The following PCSK6 variants were observed in gnomAD, a reference collection of about 807,000 sequenced individuals.
PCSK6 encodes paired basic amino acid cleaving enzyme 4.
A neutral mutation model predicts 123.3 loss-of-function variants in PCSK6; 85 were observed. The ratio of observed to expected loss-of-function variants is 0.69; its 90% CI spans 0.58 to 0.83. The LOEUF is 0.83. PCSK6 is among the 40% of genes least tolerant of loss of function. PCSK6 has a pLI of 0.00. For missense variants in PCSK6, 1,191 were observed against 1,282.3 expected (o/e 0.93, Z 1.09); for synonymous variants, 508 against 516.0 (o/e 0.98, Z 0.21).
At chr15:101,432,180 CT>C (rs2056467721) in intron 2 of PCSK6, 80 bp from the exon 3 acceptor site, 3 of 1,128,992 alleles carry the variant, frequency 2.7e-6, no homozygotes, top group Non-Finnish European at 3.9e-6. Flanking sequence ...GTGCTACAGC[CT>C]TCCTTGTGCG....
At chr15:101,341,628 A>G (rs999645056) in intron 13 of PCSK6, among the ~76,000 whole-genome samples, 2 of 152,176 alleles carry the variant, frequency 1.3e-5, no homozygotes, top group Non-Finnish European at 2.9e-5. Flanking sequence ...ATCCAGTGAA[A>G]ATACCATTCA....
chr15:101,400,858 A>C (rs1165806778), intron 6 of PCSK6, among the ~76,000 whole-genome samples: 13 of 152,222 alleles, frequency 8.5e-5, no homozygotes, highest in Admixed American at 3.3e-4. Flanking sequence ...CGCTGCAGTA[A>C]ATTCTTCCAT....
At chr15:101,451,568 T>C (rs7178458) in intron 1 of PCSK6, among the ~76,000 whole-genome samples, 94,314 of 151,880 alleles carry the variant, frequency 0.62, 30,044 homozygotes, top group Non-Finnish European at 0.71. Context: ...AAAAAAAAAC[T>C]GTACTTTATC....
intron 12 of PCSK6, among the ~76,000 whole-genome samples, chr15:101,367,497 G>T (rs2041436028): frequency 6.6e-6 from 1 of 152,206 alleles, no homozygotes; most frequent in Non-Finnish European, 1.5e-5. Context: ...AGAAGAGTGA[G>T]GGGGAAGCAT....
rs1439345862 is a variant in PCSK6 at position 101,390,660 on chromosome 15, C to G, written c.1210-1096G>C. On this transcript the variant is annotated intron_variant, in intron 8 of 21. Coordinates refer to ENST00000611716, the MANE Select transcript of PCSK6 (RefSeq NM_002570.5). Reference sequence around the variant, plus strand: ...ACAGCCCACAAGGAAATGGGAAACTCAGTCCCAGAACCACAGGGACCTGAG... The same window carrying G: ...ACAGCCCACAAGGAAATGGGAAACTGAGTCCCAGAACCACAGGGACCTGAG... Among the ~76,000 whole-genome samples the G allele has an allele frequency of 2.0e-5, 3 of 152,034 alleles. No individual in the cohort carries two copies. The South Asian group carries it at 6.2e-4, about 31-fold the overall frequency.
intron 9 of PCSK6, among the ~76,000 whole-genome samples, chr15:101,386,354 C>CAAA (rs1202417296): frequency 1.3e-5 from 2 of 152,082 alleles, no homozygotes; most frequent in Admixed American, 1.3e-4. Flanking sequence ...TGTGGGTGTG[C>CAAA]GAAGACGTAC....
chr15:101,323,557 C>T (rs1251663460), intron 17 of PCSK6, among the ~76,000 whole-genome samples: 1 of 152,036 alleles, frequency 6.6e-6, no homozygotes, highest in Non-Finnish European at 1.5e-5. Flanking sequence ...ATGGTGAAAC[C>T]CCATCTCTAC....
chr15:101,456,476 T>C (rs1199760227), intron 1 of PCSK6, among the ~76,000 whole-genome samples: 1 of 152,084 alleles, frequency 6.6e-6, no homozygotes, highest in Non-Finnish European at 1.5e-5. Context: ...TCAACAAATA[T>C]CTGGGCAGCT....
At chr15:101,478,670 T>A (rs2057793643) in intron 1 of PCSK6, among the ~76,000 whole-genome samples, 1 of 151,964 alleles carries the variant, frequency 6.6e-6, no homozygotes, top group Non-Finnish European at 1.5e-5. Flanking sequence ...TGCCTCGGAG[T>A]AGCCACGTGG....
chr15:101,410,420 C>T (rs1385417376), intron 6 of PCSK6, among the ~76,000 whole-genome samples: 1 of 152,084 alleles, frequency 6.6e-6, no homozygotes, highest in East Asian at 1.9e-4. Context: ...GAACTATGTG[C>T]CAGGTCAAAA....
chr15:101,376,526 G>A (rs980069756), intron 11 of PCSK6, among the ~76,000 whole-genome samples: 8 of 152,294 alleles, frequency 5.3e-5, no homozygotes, highest in Admixed American at 2.6e-4. Context: ...AAATGTGACC[G>A]GAGGCTCACA....
At chr15:101,358,884 AG>A (rs2041126441) in intron 13 of PCSK6, among the ~76,000 whole-genome samples, 2 of 152,220 alleles carry the variant, frequency 1.3e-5, no homozygotes, top group South Asian at 4.1e-4. Context: ...TGAAGTGAGC[AG>A]GGCAGGTTGG....
At chr15:101,392,356 G>C (rs186305792) in intron 8 of PCSK6, among the ~76,000 whole-genome samples, 2 of 152,348 alleles carry the variant, frequency 1.3e-5, no homozygotes, top group East Asian at 3.9e-4. Context: ...CACTGGTGCG[G>C]AGCAAAGCCG....
In PCSK6 at chr15:101,427,903, G is replaced by T. The variant is rs1284381307; in HGVS notation, c.812C>A (p.Ala271Asp). The change falls in exon 6 of 22, where the codon GCC becomes GAC. Residue 271 changes from alanine (A) to aspartate (D), a missense_variant. Physicochemically the swap from Ala to Asp is moderately radical, Grantham distance 126. This residue lies in a region of PCSK6 where 357 missense variants were observed against 484.5 expected (regional missense o/e 0.74). Coordinates refer to ENST00000611716, the MANE Select transcript of PCSK6 (RefSeq NM_002570.5). ...SYCIVGIAYN[A>D]KIGGIRMLDG... Reference sequence around the variant, plus strand: ...ACGCCCGGCCTTACCTCCTATTTTGGCATTGTACGCTATGCCCACGATGCA... The same window carrying T: ...ACGCCCGGCCTTACCTCCTATTTTGTCATTGTACGCTATGCCCACGATGCA... The T allele has an allele frequency of 1.3e-6, 2 of 1,576,720 alleles. No individual in the cohort carries two copies. Among genetic ancestry groups the T allele is most frequent in the Non-Finnish European group, 1.7e-6 (2 of 1,160,648 alleles).
chr15:101,475,952 C>G (rs1488475686), intron 1 of PCSK6, among the ~76,000 whole-genome samples: 1 of 152,212 alleles, frequency 6.6e-6, no homozygotes, highest in African/African-American at 2.4e-5. Context: ...TCAACTGGCA[C>G]TATCTGTTGG....
chr15:101,421,773 T>A (rs1230690357), intron 6 of PCSK6, among the ~76,000 whole-genome samples: 1 of 152,216 alleles, frequency 6.6e-6, no homozygotes, highest in Non-Finnish European at 1.5e-5. Flanking sequence ...AAAGCCACTA[T>A]CTGTGCTGGA....
At chr15:101,488,657 G>C (rs992792406) in intron 1 of PCSK6, among the ~76,000 whole-genome samples, 7 of 152,134 alleles carry the variant, frequency 4.6e-5, no homozygotes, top group Non-Finnish European at 7.4e-5. Context: ...CACACCGCTC[G>C]GCCATCAGAA....
rs2056315346 is a variant in PCSK6 at position 101,427,946 on chromosome 15, A to C, written c.769T>G (p.Ser257Ala). Residue 257 changes from serine (S) to alanine (A), a missense_variant, in exon 6 of 22, where the codon TCA becomes GCA. Around this residue, in one of 3 missense-constraint regions of PCSK6, gnomAD observed 357 missense variants for 484.5 expected, o/e 0.74. Coordinates refer to ENST00000611716, the MANE Select transcript of PCSK6 (RefSeq NM_002570.5). ...ACGATGCAGTAGGAATTGTTTGCTG[A>C]AGCAGCAACTTCTCCCGCACAACGA... is the stretch of plus-strand genomic sequence containing the variant. The part of the protein sequence containing the change: ...GTRCAGEVAA[S>A]ANNSYCIVGI... 6.3e-7 allele frequency: 1 copy of C among 1,588,142 alleles called. No homozygotes were observed. Among genetic ancestry groups the C allele is most frequent in the Admixed American group, 1.8e-5 (1 of 56,396 alleles).
intron 1 of PCSK6, among the ~76,000 whole-genome samples, chr15:101,476,400 C>T (rs2057731247): frequency 6.6e-6 from 1 of 151,726 alleles, no homozygotes; most frequent in Non-Finnish European, 1.5e-5. Flanking sequence ...TGTGGTATAA[C>T]AAAACATGTT....
Sources: gnomAD v4.1 joint callset for allele counts (sites outside exome capture counted in the v4.1 genomes callset) on GRCh38, gnomAD v4.1.1 for gene constraint, gnomAD v4.1.1 regional missense constraint, MANE v1.5 for transcripts, NCBI Gene and HGNC (gene_info 2026-07-23, HGNC 2026-07-21) for gene names.